PTPRD: variants seen among roughly 807,000 people sequenced by gnomAD.
PTPRD encodes protein tyrosine phosphatase receptor type D.
PTPRD carries 34 observed loss-of-function variants against 214.5 expected under a neutral mutation model. The ratio of observed to expected loss-of-function variants is 0.16; its 90% CI spans 0.12 to 0.21. PTPRD has a LOEUF of 0.21. Among genes scored for constraint, PTPRD ranks in the 10% least tolerant of loss-of-function variants. The pLI is 1.00. For missense variants in PTPRD, 2,545 were observed against 2,398.7 expected, an observed-to-expected ratio of 1.06 and a Z score of -1.27; for synonymous variants, 1,128 against 845.7, an observed-to-expected ratio of 1.33 and a Z score of -5.79.
chr9:9,077,558 A>T (rs918804320), intron 10 of PTPRD, among the ~76,000 whole-genome samples: 4 of 152,082 alleles, frequency 2.6e-5, no homozygotes, highest in Non-Finnish European at 2.9e-5. Context: ...GTTTATAGAG[A>T]TCCACAAAAA....
At chr9:8,969,484 G>A (rs2099222822) in intron 11 of PTPRD, among the ~76,000 whole-genome samples, 1 of 151,984 alleles carries the variant, frequency 6.6e-6, no homozygotes. Flanking sequence ...AAATGTAATA[G>A]TTTCATATTA....
chr9:8,469,716 T>A (rs981480941), intron 31 of PTPRD, among the ~76,000 whole-genome samples: 1 of 152,086 alleles, frequency 6.6e-6, no homozygotes, highest in Non-Finnish European at 1.5e-5. Flanking sequence ...ATGACATTAT[T>A]GAAATAATGT....
At chr9:8,325,678 A>G (rs946395742) in intron 44 of PTPRD, among the ~76,000 whole-genome samples, 2 of 151,934 alleles carry the variant, frequency 1.3e-5, no homozygotes, top group African/African-American at 4.8e-5. Context: ...CTTGGGCAGT[A>G]TGGCCATTTT....
intron 10 of PTPRD, among the ~76,000 whole-genome samples, chr9:9,073,959 G>A (rs1453733508): frequency 6.6e-6 from 1 of 151,878 alleles, no homozygotes; most frequent in Admixed American, 6.6e-5. Flanking sequence ...TGTAAAATAA[G>A]GACTAATTAT....
intron 3 of PTPRD, among the ~76,000 whole-genome samples, chr9:10,182,259 C>CAAAAAAAAAAAAAAAAAAAAAAAAAAA (rs3075574): frequency 2.0e-4 from 11 of 54,452 alleles, no homozygotes; most frequent in Admixed American, 4.4e-4. Context: ...GACTCTGCCT[C>CAAAAAAAAAAAAAAAAAAAAAAAAAAA]AAAAAAAAAA....
intron 8 of PTPRD, among the ~76,000 whole-genome samples, chr9:9,408,300 A>G (rs1231180188): frequency 6.6e-6 from 1 of 151,854 alleles, no homozygotes; most frequent in African/African-American, 2.4e-5. Flanking sequence ...ACTGAACCAG[A>G]GAAATCTAAA....
At chr9:10,536,916 C>G (rs2057937888) in intron 2 of PTPRD, among the ~76,000 whole-genome samples, 1 of 152,072 alleles carries the variant, frequency 6.6e-6, no homozygotes, top group Non-Finnish European at 1.5e-5. Context: ...TAGAGTTTCA[C>G]CTAAGCCAGC....
At chr9:9,733,918 C>T (rs1177248470) in intron 7 of PTPRD, among the ~76,000 whole-genome samples, 1 of 152,096 alleles carries the variant, frequency 6.6e-6, no homozygotes, top group Non-Finnish European at 1.5e-5. Context: ...AACATGAATA[C>T]AAAGCTGCTG....
intron 11 of PTPRD, among the ~76,000 whole-genome samples, chr9:8,781,917 A>G (rs980165971): frequency 6.6e-6 from 1 of 152,106 alleles, no homozygotes; most frequent in Non-Finnish European, 1.5e-5. Context: ...CATCCATAAG[A>G]CATTCTAGTA....
At chr9:8,490,245 A>G (rs1356739643) in intron 27 of PTPRD, among the ~76,000 whole-genome samples, 1 of 152,256 alleles carries the variant, frequency 6.6e-6, no homozygotes, top group Non-Finnish European at 1.5e-5. Flanking sequence ...AACTTACGTC[A>G]TGACATATAA....
chr9:9,072,198 C>A (rs1410358494), intron 10 of PTPRD, among the ~76,000 whole-genome samples: 2 of 149,612 alleles, frequency 1.3e-5, no homozygotes, highest in Non-Finnish European at 3.0e-5. Flanking sequence ...CATTAAAAAC[C>A]AAAATATAAT....
chr9:9,338,127 A>C (rs549837806), intron 9 of PTPRD, among the ~76,000 whole-genome samples: 1 of 152,324 alleles, frequency 6.6e-6, no homozygotes, highest in East Asian at 1.9e-4. Context: ...CATTATGGAA[A>C]AGCTGCTAAT....
intron 7 of PTPRD, among the ~76,000 whole-genome samples, chr9:9,593,298 CT>C (rs572857031): frequency 0.043 from 5,945 of 136,974 alleles, 247 homozygotes; most frequent in African/African-American, 0.11. Context: ...GGAAACTTAA[CT>C]TTTTTTTTTT....
At chr9:10,522,298 G>A (rs2052601855) in intron 2 of PTPRD, among the ~76,000 whole-genome samples, 1 of 152,138 alleles carries the variant, frequency 6.6e-6, no homozygotes, top group Admixed American at 6.6e-5. Context: ...ATGAGGCTCT[G>A]AATACACAGC....
intron 11 of PTPRD, among the ~76,000 whole-genome samples, chr9:8,987,490 T>A (rs145895752): frequency 1.3e-5 from 2 of 152,276 alleles, no homozygotes; most frequent in African/African-American, 4.8e-5. Context: ...GGTAATCATT[T>A]GGAGAGAAGA....
intron 2 of PTPRD, among the ~76,000 whole-genome samples, chr9:10,497,962 T>G (rs1424078820): frequency 6.6e-6 from 1 of 152,028 alleles, no homozygotes; most frequent in Non-Finnish European, 1.5e-5. Flanking sequence ...ATAGCTGGAC[T>G]TTTTATTATT....
At chr9:10,278,081 A>G (rs1595970604) in intron 3 of PTPRD, among the ~76,000 whole-genome samples, 1 of 151,890 alleles carries the variant, frequency 6.6e-6, no homozygotes, top group Non-Finnish European at 1.5e-5. Flanking sequence ...AATGGCGTGA[A>G]CTTGGGAGGT....
At chr9:8,759,030 G>A (rs2094221495) in intron 11 of PTPRD, among the ~76,000 whole-genome samples, 3 of 146,008 alleles carry the variant, frequency 2.1e-5, no homozygotes, top group Non-Finnish European at 1.5e-5. Context: ...CTTTGGTTTT[G>A]GGTTTTTTTT....
intron 8 of PTPRD, among the ~76,000 whole-genome samples, chr9:9,428,598 A>G (rs1442384828): frequency 2.6e-5 from 4 of 152,230 alleles, no homozygotes; most frequent in South Asian, 2.1e-4. Flanking sequence ...AACAGAATAT[A>G]CATTCTTCTC....
Sources: allele counts gnomAD v4.1 joint callset (sites outside exome capture counted in the v4.1 genomes callset), GRCh38; gene constraint gnomAD v4.1.1; transcripts MANE v1.5; gene names NCBI Gene and HGNC (gene_info 2026-07-23, HGNC 2026-07-21).